RP1: variants seen among roughly 807,000 people sequenced by gnomAD.
RP1 encodes the protein RP1 axonemal microtubule associated.
RP1 carries 16 observed loss-of-function variants against 14.8 expected under a neutral mutation model. The observed-to-expected ratio is 1.08, with a 90% confidence interval of 0.73 to 1.65. The LOEUF is 1.65. Ranked by LOEUF, RP1 falls within the 40% of genes most tolerant of loss-of-function variation. The pLI, the probability that RP1 is intolerant of heterozygous loss-of-function variation, is 0.00. For synonymous variants in RP1, 876 were observed against 883.6 expected (o/e 0.99, Z 0.15); for missense variants, 2,631 against 2,535.0 (o/e 1.04, Z -0.81).
intron 15 of RP1, among the ~76,000 whole-genome samples, chr8:54,716,259 G>T (rs1808401220): frequency 6.6e-6 from 1 of 152,124 alleles, no homozygotes; most frequent in East Asian, 1.9e-4. Context: ...TTGACTGATG[G>T]ATTTCTTTTT....
In RP1 at chr8:54,628,827, G is replaced by A; in HGVS notation, c.4945G>A (p.Gly1649Arg). The change falls in exon 4 of 4, where the codon GGG becomes AGG. Residue 1649 changes from glycine to arginine, a missense_variant. Gly to Arg is a moderately radical substitution (Grantham distance 125). Transcript: ENST00000220676. The stretch of plus-strand genomic sequence containing the variant: ...TATTATCAAACCATCTTTTTTTCCT[G>A]GGTCTACCCGCAAATCTCAGGTTTG... The part of the protein sequence containing the change: ...ADIIKPSFFP[G>R]STRKSQVCPY... The A allele has an allele frequency of 6.2e-7, 1 of 1,613,980 alleles. No individual in the cohort carries two copies. Among genetic ancestry groups the A allele is most frequent in the Non-Finnish European group, 8.5e-7 (1 of 1,179,954 alleles).
At chr8:54,848,511 C>T (rs1811982294) in intron 25 of RP1, among the ~76,000 whole-genome samples, 2 of 152,136 alleles carry the variant, frequency 1.3e-5, no homozygotes, top group South Asian at 4.1e-4. Flanking sequence ...GGCTCTTCTC[C>T]CATACACACT....
intron 19 of RP1, among the ~76,000 whole-genome samples, chr8:54,745,195 A>T (rs1414503239): frequency 2.6e-5 from 4 of 152,286 alleles, no homozygotes; most frequent in African/African-American, 9.6e-5. Flanking sequence ...TTATCCATTA[A>T]GTTGTCATTG....
chr8:54,712,338 C>G (rs979259362), intron 15 of RP1, among the ~76,000 whole-genome samples: 2 of 152,128 alleles, frequency 1.3e-5, no homozygotes, highest in East Asian at 3.8e-4. Flanking sequence ...CTCACTGTGC[C>G]AAGATGCCAT....
intron 25 of RP1, among the ~76,000 whole-genome samples, chr8:54,845,408 AGCT>A (rs1811894432): frequency 6.6e-6 from 1 of 152,080 alleles, no homozygotes; most frequent in Non-Finnish European, 1.5e-5. Context: ...GTATGCTAGG[AGCT>A]GGGGATTCTA....
At chr8:54,649,139 C>T in exon 4 of RP1, 1 of 1,491,614 alleles carries the variant, frequency 6.7e-7, no homozygotes, top group Non-Finnish European at 8.8e-7. Context: ...GCCATGAAGA[C>T]ATATTTACTG....
chr8:54,596,500 T>C (rs1035640219), intron 1 of RP1, among the ~76,000 whole-genome samples: 1 of 152,200 alleles, frequency 6.6e-6, no homozygotes, highest in Admixed American at 6.5e-5. Context: ...CAATATAAGA[T>C]TAATAACTTT....
chr8:54,797,706 T>G (rs757360234), intron 24 of RP1, among the ~76,000 whole-genome samples: 5 of 152,116 alleles, frequency 3.3e-5, no homozygotes, highest in Non-Finnish European at 7.4e-5. Flanking sequence ...TTTTCACACC[T>G]CTTTCAGAAG....
chr8:54,642,334 A>G (rs1270329024), intron 3 of RP1, among the ~76,000 whole-genome samples: 2 of 152,124 alleles, frequency 1.3e-5, no homozygotes, highest in Non-Finnish European at 2.9e-5. Flanking sequence ...AAAAAGGTAA[A>G]AGTTATATAG....
intron 19 of RP1, among the ~76,000 whole-genome samples, chr8:54,753,097 A>C (rs1585662590): frequency 6.6e-6 from 1 of 152,318 alleles, no homozygotes; most frequent in African/African-American, 2.4e-5. Context: ...AAGTGGTTAC[A>C]TGATTTCTCA....
rs554337904 is a variant in RP1, at chr8:54,669,395, G to A, written c.1324-4455G>A. Among the ~76,000 whole-genome samples, 595 of 152,306 alleles carry A rather than the reference G, an allele frequency of 3.9e-3. 6 individuals carry two copies. Among genetic ancestry groups the A allele is most frequent in the African/African-American group, 0.013 (561 of 41,576 alleles). ...GGAAACAACAGGTGCTGGAGAGGATGTGGAGAAATAGGAACACTTTTACAA... is the reference window on the plus strand; with the variant it reads ...GGAAACAACAGGTGCTGGAGAGGATATGGAGAAATAGGAACACTTTTACAA... On this transcript the variant is annotated intron_variant, in intron 7 of 22. Coordinates refer to the RP1 transcript ENST00000636932.
At chr8:54,755,782 C>A (rs1406215009) in intron 21 of RP1, 3 of 1,449,050 alleles carry the variant, frequency 2.1e-6, no homozygotes, top group Admixed American at 2.7e-5. Flanking sequence ...TGAGTCTATA[C>A]AAATAATTTC....
At chr8:54,864,950 C>T (rs1423603657) in intron 27 of RP1, among the ~76,000 whole-genome samples, 1 of 152,140 alleles carries the variant, frequency 6.6e-6, no homozygotes, top group East Asian at 1.9e-4. Flanking sequence ...GAGGAACTGA[C>T]ATCTTTATGA....
intron 3 of RP1, chr8:54,648,912 T>G (rs1806601719): frequency 1.8e-6 from 2 of 1,124,154 alleles, no homozygotes; most frequent in African/African-American, 1.6e-5. Context: ...CCTAGTTTTA[T>G]GATGACCTGC....
At chr8:54,768,897 C>CTT (rs138672609) in intron 22 of RP1, among the ~76,000 whole-genome samples, 92 of 138,662 alleles carry the variant, frequency 6.6e-4, no homozygotes, top group African/African-American at 1.9e-3. Context: ...TGGTTATATT[C>CTT]TTTTTTTTTT....
intron 12 of RP1, among the ~76,000 whole-genome samples, chr8:54,690,870 C>T (rs1172945141): frequency 6.6e-6 from 1 of 151,986 alleles, no homozygotes; most frequent in African/African-American, 2.4e-5. Flanking sequence ...AGTTGTAAAA[C>T]AAGTTTTAAA....
chr8:54,666,483 G>A (rs1183568132), intron 7 of RP1, among the ~76,000 whole-genome samples: 1 of 152,016 alleles, frequency 6.6e-6, no homozygotes, highest in African/African-American at 2.4e-5. Context: ...AGTTGTTTAG[G>A]TGGGAGCTAT....
chr8:54,654,036 A>G (rs1182255713), intron 5 of RP1, among the ~76,000 whole-genome samples: 1 of 152,182 alleles, frequency 6.6e-6, no homozygotes, highest in East Asian at 1.9e-4. Context: ...CTTTCTCTCT[A>G]TGGCAAGTAT....
At chr8:54,699,389 A>G in intron 12 of RP1, 1 of 506,654 alleles carries the variant, frequency 2.0e-6, no homozygotes, top group Non-Finnish European at 3.2e-6. Context: ...TATATTATTA[A>G]GAGATTTCAG....
Sources: allele counts gnomAD v4.1 joint callset (sites outside exome capture counted in the v4.1 genomes callset), GRCh38; gene constraint gnomAD v4.1.1; transcripts MANE v1.5; gene names NCBI Gene and HGNC (gene_info 2026-07-23, HGNC 2026-07-21).